Variants in SNTG1 observed in about 807,000 individuals in gnomAD.
SNTG1 encodes gamma-1-syntrophin.
SNTG1 carries 39 observed loss-of-function variants against 74.7 expected under a neutral mutation model. That is an observed-to-expected ratio of 0.52 (90% CI 0.40 to 0.68). The LOEUF (loss-of-function observed/expected upper bound fraction) is 0.68, where lower values mean the gene tolerates loss of function less well. SNTG1 is among the 30% of genes least tolerant of loss of function. SNTG1 has a pLI of 0.00. For missense variants in SNTG1, 685 were observed against 609.5 expected (o/e 1.12, Z -1.30); for synonymous variants, 254 against 217.1 (o/e 1.17, Z -1.49).
intron 18 of SNTG1, among the ~76,000 whole-genome samples, chr8:50,765,108 G>A (rs2095610373): frequency 1.3e-5 from 2 of 151,932 alleles, no homozygotes; most frequent in African/African-American, 2.4e-5. Flanking sequence ...GAGAATAGGG[G>A]GAATGGAGAG....
chr8:50,756,494 C>A (rs1463566854), intron 18 of SNTG1, among the ~76,000 whole-genome samples: 1 of 151,642 alleles, frequency 6.6e-6, no homozygotes, highest in African/African-American at 2.4e-5. Flanking sequence ...TGTGGATGTC[C>A]ATTTTTTCCA....
intron 9 of SNTG1, among the ~76,000 whole-genome samples, chr8:50,510,013 C>T (rs1405075058): frequency 6.6e-6 from 1 of 152,118 alleles, no homozygotes; most frequent in African/African-American, 2.4e-5. Context: ...GGGAATGCTT[C>T]CAGTTTTTGC....
intron 8 of SNTG1, among the ~76,000 whole-genome samples, chr8:50,488,551 C>T (rs545957552): frequency 6.6e-6 from 1 of 152,136 alleles, no homozygotes; most frequent in Non-Finnish European, 1.5e-5. Flanking sequence ...ATTTTCCTTG[C>T]CTATGAGCAC....
chr8:50,376,985 C>A (rs1404226179), intron 2 of SNTG1, among the ~76,000 whole-genome samples: 1 of 151,996 alleles, frequency 6.6e-6, no homozygotes, highest in Admixed American at 6.6e-5. Context: ...TTCAACCTGG[C>A]CTGAGTGTTC....
chr8:50,412,358 CT>C (rs1259225758), intron 4 of SNTG1, among the ~76,000 whole-genome samples: 2 of 152,104 alleles, frequency 1.3e-5, no homozygotes, highest in Non-Finnish European at 2.9e-5. Context: ...CTCCTTCTTT[CT>C]TCTTTTCAGT....
At chr8:50,180,727 C>T (rs546087569) in intron 2 of SNTG1, among the ~76,000 whole-genome samples, 25 of 136,764 alleles carry the variant, frequency 1.8e-4, no homozygotes, top group African/African-American at 5.4e-5. Flanking sequence ...ATTTTGCTTG[C>T]GTTTCCCACC....
At chr8:50,718,175 G>A (rs758521538) in intron 17 of SNTG1, among the ~76,000 whole-genome samples, 1 of 152,072 alleles carries the variant, frequency 6.6e-6, no homozygotes, top group Non-Finnish European at 1.5e-5. Context: ...AGAATTTGTA[G>A]GTCCTGGGTG....
At chr8:50,751,046 T>C (rs980396609) in intron 17 of SNTG1, among the ~76,000 whole-genome samples, 1 of 152,070 alleles carries the variant, frequency 6.6e-6, no homozygotes, top group African/African-American at 2.4e-5. Context: ...AATATTTGAC[T>C]ATATCAGCTA....
At chr8:50,003,059 G>T (rs143709435) in intron 1 of SNTG1, among the ~76,000 whole-genome samples, 1 of 152,260 alleles carries the variant, frequency 6.6e-6, no homozygotes, top group East Asian at 1.9e-4. Context: ...AATCTATAGA[G>T]ACAGAATGTA....
chr8:50,102,880 C>T (rs2080199137), intron 1 of SNTG1, among the ~76,000 whole-genome samples: 2 of 147,410 alleles, frequency 1.4e-5, no homozygotes, highest in African/African-American at 5.0e-5. Context: ...AGATATGCGG[C>T]GTTATTTCTG....
At chr8:50,698,045 T>C (rs1318836029) in intron 15 of SNTG1, among the ~76,000 whole-genome samples, 1 of 152,194 alleles carries the variant, frequency 6.6e-6, no homozygotes, top group Non-Finnish European at 1.5e-5. Context: ...AATTTGGTTG[T>C]GGATCCATCT....
intron 8 of SNTG1, among the ~76,000 whole-genome samples, chr8:50,460,022 T>C (rs535261601): frequency 1.3e-5 from 2 of 152,322 alleles, no homozygotes; most frequent in East Asian, 1.9e-4. Context: ...TTTGGATATA[T>C]ACCCAGTCAT....
chr8:50,687,955 G>C lies in SNTG1; in HGVS notation c.1039-16645G>C, dbSNP rs539379462. 3.3e-5 allele frequency among the ~76,000 whole-genome samples: 5 copies of C among 152,204 alleles called. No individual in the cohort carries two copies. In the South Asian group the frequency reaches 1.0e-3, roughly 32 times the overall value. On this transcript the variant is annotated intron_variant, in intron 15 of 18. Coordinates refer to ENST00000642720, the MANE Select transcript of SNTG1 (RefSeq NM_018967.5). The stretch of plus-strand genomic sequence containing the variant: ...TTTTTAATGATCGCCATTCTCACTG[G>C]TGTTAGATGGTATCTCATTGTGGTT...
At chr8:50,647,124 G>A (rs1194530771) in intron 13 of SNTG1, among the ~76,000 whole-genome samples, 1 of 152,054 alleles carries the variant, frequency 6.6e-6, no homozygotes, top group Non-Finnish European at 1.5e-5. Context: ...GGATGACATA[G>A]GAGAAAATGT....
chr8:50,691,734 T>A (rs2095380649), intron 15 of SNTG1, among the ~76,000 whole-genome samples: 1 of 152,174 alleles, frequency 6.6e-6, no homozygotes, highest in Admixed American at 6.5e-5. Context: ...GTCTTGGAGT[T>A]GCTCTTCTTA....
chr8:50,631,105 T>A (rs2094994325), intron 13 of SNTG1, among the ~76,000 whole-genome samples: 1 of 152,188 alleles, frequency 6.6e-6, no homozygotes, highest in Non-Finnish European at 1.5e-5. Context: ...TCTTTTCTGC[T>A]CAGATGAGAG....
At chr8:50,249,583 C>A (rs1200190324) in intron 2 of SNTG1, among the ~76,000 whole-genome samples, 1 of 152,212 alleles carries the variant, frequency 6.6e-6, no homozygotes, top group Non-Finnish European at 1.5e-5. Flanking sequence ...TCAGAAGAGC[C>A]TACCACAAAA....
At chr8:50,236,512 GCTATCCCGGCTCA>G (rs1206108787) in intron 2 of SNTG1, among the ~76,000 whole-genome samples, 2 of 149,362 alleles carry the variant, frequency 1.3e-5, no homozygotes, top group Non-Finnish European at 3.0e-5. Context: ...GTGCAGTGGC[GCTATCCCGGCTCA>G]CTGCAAGCTC....
At chr8:50,696,503 C>G (rs148347881) in intron 15 of SNTG1, among the ~76,000 whole-genome samples, 97 of 152,074 alleles carry the variant, frequency 6.4e-4, no homozygotes, top group African/African-American at 2.1e-3. Context: ...AGGACTTGGT[C>G]ATAAAATCTT....
Sources: allele counts gnomAD v4.1 joint callset (sites outside exome capture counted in the v4.1 genomes callset), GRCh38; gene constraint gnomAD v4.1.1; transcripts MANE v1.5; gene names NCBI Gene and HGNC (gene_info 2026-07-23, HGNC 2026-07-21).